The following CNTNAP5 variants were observed in gnomAD, a reference collection of about 807,000 sequenced individuals.
CNTNAP5 encodes the protein contactin associated protein family member 5.
In CNTNAP5, 72 loss-of-function variants were observed where a neutral mutation model predicts 150.2. That is an observed-to-expected ratio of 0.48 (90% confidence interval 0.40 to 0.58). The LOEUF is 0.58. Among genes scored for constraint, CNTNAP5 ranks in the 20% least tolerant of loss-of-function variants. The pLI is 0.00. For missense variants in CNTNAP5, 1,636 were observed against 1,626.2 expected, an observed-to-expected ratio of 1.01 and a Z score of -0.10; for synonymous variants, 672 against 619.8, an observed-to-expected ratio of 1.08 and a Z score of -1.25.
intron 3 of CNTNAP5, among the ~76,000 whole-genome samples, chr2:124,258,376 C>T (rs906091414): frequency 2.0e-5 from 3 of 152,092 alleles, no homozygotes; most frequent in African/African-American, 7.2e-5. Context: ...GATGACGCTG[C>T]TGAGGAAAGA....
intron 1 of CNTNAP5, among the ~76,000 whole-genome samples, chr2:124,062,051 G>A (rs992235380): frequency 1.2e-5 from 1 of 83,072 alleles, no homozygotes. Context: ...CCTCCGAGAG[G>A]TCTTGTTATC....
At position 124,376,494 on chromosome 2, in the gene CNTNAP5, G is replaced by C. The variant is rs543690332; in HGVS notation, c.382-40949G>C. ...TGAGATTTGCTCTGCTAAGATAAAA[G>C]TTTTTCATGATCTTTATGAGTGCCT... is the stretch of plus-strand genomic sequence containing the variant. On this transcript the variant is annotated intron_variant, in intron 3 of 23. Coordinates refer to ENST00000682447, the MANE Select transcript of CNTNAP5 (RefSeq NM_001367498.1). Among the ~76,000 whole-genome samples the C allele has an allele frequency of 2.6e-5, 4 of 152,190 alleles. No individual in the cohort carries two copies. In the East Asian group the frequency reaches 7.7e-4, roughly 29 times the overall value.
chr2:124,417,972 G>C (rs542166412), intron 4 of CNTNAP5, among the ~76,000 whole-genome samples: 11 of 152,296 alleles, frequency 7.2e-5, no homozygotes, highest in Non-Finnish European at 1.5e-4. Context: ...TCACCTTCTT[G>C]ACTTGTTCTA....
intron 1 of CNTNAP5, among the ~76,000 whole-genome samples, chr2:124,071,298 C>T (rs1357678753): frequency 1.3e-5 from 2 of 151,588 alleles, no homozygotes; most frequent in Non-Finnish European, 3.0e-5. Context: ...TGTTAGAGAA[C>T]TAGAAAAGCA....
At chr2:124,308,495 A>G (rs2104654216) in intron 3 of CNTNAP5, among the ~76,000 whole-genome samples, 2 of 152,360 alleles carry the variant, frequency 1.3e-5, no homozygotes, top group Middle Eastern at 6.8e-3. Context: ...CTGAATGACC[A>G]GAAGGCTCAA....
intron 3 of CNTNAP5, among the ~76,000 whole-genome samples, chr2:124,322,561 G>A (rs903317082): frequency 7.9e-5 from 12 of 152,186 alleles, no homozygotes; most frequent in African/African-American, 2.9e-4. Flanking sequence ...CTATATTGCA[G>A]CAAAATGAAT....
chr2:124,401,081 G>C (rs1691412137), intron 3 of CNTNAP5, among the ~76,000 whole-genome samples: 2 of 152,096 alleles, frequency 1.3e-5, no homozygotes, highest in South Asian at 4.1e-4. Flanking sequence ...TGGCCAGGCT[G>C]TCTCACACTC....
At chr2:124,149,403 C>CAAAAAAA (rs71394025) in intron 1 of CNTNAP5, among the ~76,000 whole-genome samples, 8 of 82,780 alleles carry the variant, frequency 9.7e-5, no homozygotes, top group Admixed American at 1.5e-4. Flanking sequence ...GCGTCAATTG[C>CAAAAAAA]AAAAAAAAAA....
chr2:124,097,755 G>T (rs190489451), intron 1 of CNTNAP5, among the ~76,000 whole-genome samples: 1 of 152,106 alleles, frequency 6.6e-6, no homozygotes, highest in Non-Finnish European at 1.5e-5. Flanking sequence ...CCGGCCAGGC[G>T]CAGTGGCTCA....
chr2:124,039,012 T>C (rs1681296066), intron 1 of CNTNAP5, among the ~76,000 whole-genome samples: 1 of 152,192 alleles, frequency 6.6e-6, no homozygotes, highest in South Asian at 2.1e-4. Context: ...TAAGTTACAC[T>C]AAATAAGCAG....
intron 13 of CNTNAP5, among the ~76,000 whole-genome samples, chr2:124,721,540 G>GA (rs922174374): frequency 3.8e-5 from 5 of 131,898 alleles, no homozygotes; most frequent in Non-Finnish European, 3.3e-5. Context: ...AAACAAAAAA[G>GA]AAAAAAAATT....
At chr2:124,826,099 TA>T (rs553407015) in intron 19 of CNTNAP5, among the ~76,000 whole-genome samples, 176 of 149,822 alleles carry the variant, frequency 1.2e-3, no homozygotes, top group Middle Eastern at 3.5e-3. Flanking sequence ...AAGTAGTTTT[TA>T]AAAAAAAAAC....
intron 13 of CNTNAP5, among the ~76,000 whole-genome samples, chr2:124,655,421 T>C (rs1390797935): frequency 1.3e-5 from 2 of 152,136 alleles, no homozygotes; most frequent in East Asian, 1.9e-4. Context: ...TGGTCCCAAG[T>C]CTTTGTTACT....
At chr2:124,891,002 A>T (rs1456844727) in intron 21 of CNTNAP5, among the ~76,000 whole-genome samples, 1 of 152,136 alleles carries the variant, frequency 6.6e-6, no homozygotes, top group Non-Finnish European at 1.5e-5. Context: ...TTCACAAAAA[A>T]AGTATGTGGT....
At chr2:124,074,594 C>A (rs1682392224) in intron 1 of CNTNAP5, among the ~76,000 whole-genome samples, 1 of 152,046 alleles carries the variant, frequency 6.6e-6, no homozygotes. Context: ...CCAAATGGGA[C>A]CAGGGGAACC....
chr2:124,653,681 C>T (rs1297652972), intron 13 of CNTNAP5, among the ~76,000 whole-genome samples: 1 of 148,180 alleles, frequency 6.7e-6, no homozygotes, highest in African/African-American at 2.6e-5. Context: ...AGAAAAGAAA[C>T]AGTATGTCAA....
At chr2:124,568,232 G>T (rs1696076516) in intron 11 of CNTNAP5, among the ~76,000 whole-genome samples, 1 of 152,160 alleles carries the variant, frequency 6.6e-6, no homozygotes, top group African/African-American at 2.4e-5. Flanking sequence ...TGAGAGATGA[G>T]AAAGTTTTTG....
chr2:124,464,588 G>A (rs1693332577), intron 6 of CNTNAP5, among the ~76,000 whole-genome samples: 1 of 152,126 alleles, frequency 6.6e-6, no homozygotes, highest in Non-Finnish European at 1.5e-5. Flanking sequence ...CTGTCAAACA[G>A]TAAAACATAA....
chr2:124,318,994 C>T (rs79521007), intron 3 of CNTNAP5, among the ~76,000 whole-genome samples: 10,242 of 152,200 alleles, frequency 0.067, 417 homozygotes, highest in Non-Finnish European at 0.09. Flanking sequence ...CCCAAACCTC[C>T]TGGGATAGTT....
Sources: gnomAD v4.1 joint callset for allele counts (sites outside exome capture counted in the v4.1 genomes callset) on GRCh38, gnomAD v4.1.1 for gene constraint, MANE v1.5 for transcripts, NCBI Gene and HGNC (gene_info 2026-07-23, HGNC 2026-07-21) for gene names.